The following ERG variants were observed in gnomAD, a reference collection of about 807,000 sequenced individuals.
The protein encoded by ERG is ETS transcription factor ERG.
Under a neutral mutation model 55.3 loss-of-function variants are expected in ERG, and 9 were observed. The observed-to-expected ratio is 0.16, with a 90% CI of 0.10 to 0.28. The LOEUF is 0.28. Among genes scored for constraint, ERG ranks in the 10% least tolerant of loss-of-function variants. The pLI is 1.00. For missense variants in ERG, 434 were observed against 631.6 expected, an observed-to-expected ratio of 0.69 and a Z score of 3.35; for synonymous variants, 223 against 237.3, an observed-to-expected ratio of 0.94 and a Z score of 0.55.
intron 1 of ERG, among the ~76,000 whole-genome samples, chr21:38,477,532 C>T (rs1050586703): frequency 1.3e-5 from 2 of 152,018 alleles, no homozygotes; most frequent in South Asian, 2.1e-4. Context: ...TGTGAAATAC[C>T]GAGTGGTTAG....
At chr21:38,622,959 G>T (rs2060302041) in intron 1 of ERG, among the ~76,000 whole-genome samples, 1 of 8,588 alleles carries the variant, frequency 1.2e-4, no homozygotes, top group Non-Finnish European at 2.4e-4. Context: ...ACACACATCA[G>T]CACACACACA....
At chr21:38,414,495 C>T (rs893241739) in intron 3 of ERG, among the ~76,000 whole-genome samples, 8 of 152,106 alleles carry the variant, frequency 5.3e-5, no homozygotes, top group African/African-American at 1.9e-4. Flanking sequence ...ATGCCAGACC[C>T]AAATATAAAC....
chr21:38,389,429 C>T (rs1174084347), intron 9 of ERG, among the ~76,000 whole-genome samples: 1 of 152,114 alleles, frequency 6.6e-6, no homozygotes, highest in African/African-American at 2.4e-5. Flanking sequence ...ATTGTATTAA[C>T]ATTCCCAGAG....
chr21:38,575,358 C>T (rs968168231), intron 2 of ERG, among the ~76,000 whole-genome samples: 9 of 152,092 alleles, frequency 5.9e-5, no homozygotes, highest in Non-Finnish European at 1.3e-4. Context: ...TGGTCTTTGT[C>T]GAACCTACTC....
rs143329653 is a variant in ERG, at chr21:38,397,783, C to A, written c.745+2791G>T. Among the ~76,000 whole-genome samples, 343 of 152,038 alleles carry A rather than the reference C, an allele frequency of 2.3e-3. 2 individuals are homozygous for A. The highest frequency in any genetic ancestry group is 7.0e-3 in the African/African-American group (291 of 41,456). Reference sequence around the variant, plus strand: ...TGTAGGAGTCTCTGCAGAAAGGGTGCGGAATGCTGTCTAATTTAACCAGTA... The same window carrying A: ...TGTAGGAGTCTCTGCAGAAAGGGTGAGGAATGCTGTCTAATTTAACCAGTA... On this transcript the variant is annotated intron_variant, in intron 6 of 9. Coordinates refer to ENST00000288319, the MANE Select transcript of ERG (RefSeq NM_182918.4).
chr21:38,445,699 CCTTT>C (rs911845211), intron 1 of ERG, 78 bp from the exon 2 acceptor site: 39 of 1,171,932 alleles, frequency 3.3e-5, no homozygotes, highest in Non-Finnish European at 4.7e-5. Context: ...ATTTCAGAGT[CCTTT>C]CTAACTGGGA....
At chr21:38,548,322 G>A (rs1465238806) in intron 2 of ERG, among the ~76,000 whole-genome samples, 1 of 151,682 alleles carries the variant, frequency 6.6e-6, no homozygotes, top group Non-Finnish European at 1.5e-5. Context: ...TCATATATAA[G>A]TTAATAGTTC....
chr21:38,635,683 A>G (rs2060383905), intron 1 of ERG, among the ~76,000 whole-genome samples: 1 of 152,248 alleles, frequency 6.6e-6, no homozygotes, highest in Admixed American at 6.5e-5. Flanking sequence ...TCTGGAAGGC[A>G]TATAACTTTG....
intron 3 of ERG, among the ~76,000 whole-genome samples, chr21:38,413,513 C>T (rs936251342): frequency 3.9e-5 from 6 of 151,944 alleles, no homozygotes; most frequent in Non-Finnish European, 7.4e-5. Context: ...ATGAAAGATT[C>T]AAAAATGGCA....
upstream of ERG, among the ~76,000 whole-genome samples, chr21:38,500,041 T>C (rs928433098): frequency 6.6e-6 from 1 of 152,022 alleles, no homozygotes; most frequent in Admixed American, 6.5e-5. Context: ...AAATTCTGTT[T>C]CCCCGAAAAT....
At chr21:38,447,481 CA>C (rs982789836) in intron 1 of ERG, among the ~76,000 whole-genome samples, 16 of 148,792 alleles carry the variant, frequency 1.1e-4, no homozygotes, top group African/African-American at 4.0e-4. Flanking sequence ...CATCAACAAC[CA>C]AAAATGATAC....
rs58676726 is a variant in ERG at position 38,595,606 on chromosome 21, G to A, written c.-149-10661C>T. The stretch of plus-strand genomic sequence containing the variant: ...GGGGCCACCTCAGAGCAGAAGCAGG[G>A]CGGGAGCGGTGGAGGCTGGCTCTGA... On this transcript the variant is annotated intron_variant, in intron 1 of 10. Coordinates refer to the ERG transcript ENST00000398910. Among the ~76,000 whole-genome samples, 1,299 of 152,318 alleles carry A rather than the reference G, an allele frequency of 8.5e-3. 16 individuals are homozygous for A. Among genetic ancestry groups the A allele is most frequent in the African/African-American group, 0.029 (1,216 of 41,560 alleles).
chr21:38,661,553 G>A (rs1385869007), intron 1 of ERG: 1 of 152,254 alleles, frequency 6.6e-6, no homozygotes, highest in Non-Finnish European at 1.5e-5. Flanking sequence ...AGCCTCCAAA[G>A]GGTGCAGCCA....
At chr21:38,373,401 G>T in the ERG span, among the ~76,000 whole-genome samples, 3 of 152,224 alleles carry the variant, frequency 2.0e-5, no homozygotes, top group Non-Finnish European at 4.4e-5. Flanking sequence ...GGAATGAGAT[G>T]CTGAGACGTA....
At chr21:38,392,566 A>G (rs1376785455) in intron 6 of ERG, 122 bp from the exon 7 acceptor site, 7 of 632,120 alleles carry the variant, frequency 1.1e-5, no homozygotes, top group Non-Finnish European at 1.8e-5. Flanking sequence ...CTGGTAATCC[A>G]AAGAAATATC....
chr21:38,503,434 C>T (rs912471081), upstream of ERG, among the ~76,000 whole-genome samples: 8 of 151,564 alleles, frequency 5.3e-5, no homozygotes, highest in South Asian at 1.0e-3. Context: ...GCCATCTATG[C>T]GGCATTAATC....
At chr21:38,506,871 G>C (rs2059465058) in intron 2 of ERG, among the ~76,000 whole-genome samples, 1 of 152,162 alleles carries the variant, frequency 6.6e-6, no homozygotes, top group Non-Finnish European at 1.5e-5. Context: ...CTCTCGCTCT[G>C]CCAGTAGAAC....
At chr21:38,600,341 T>C (rs1170028436) in intron 1 of ERG, among the ~76,000 whole-genome samples, 3 of 152,322 alleles carry the variant, frequency 2.0e-5, no homozygotes, top group East Asian at 3.9e-4. Context: ...CAGCTCTACG[T>C]AGATTTCTGT....
intron 1 of ERG, among the ~76,000 whole-genome samples, chr21:38,447,737 G>A (rs2146562329): frequency 6.6e-6 from 1 of 152,140 alleles, no homozygotes; most frequent in East Asian, 1.9e-4. Flanking sequence ...ACTGGCTAGT[G>A]TGTTTTACAG....
Sources: allele counts gnomAD v4.1 joint callset (sites outside exome capture counted in the v4.1 genomes callset), GRCh38; gene constraint gnomAD v4.1.1; transcripts MANE v1.5; gene names NCBI Gene and HGNC (gene_info 2026-07-23, HGNC 2026-07-21).